RTTN: variants seen among roughly 807,000 people sequenced by gnomAD.
RTTN encodes rotatin.
RTTN carries 182 observed loss-of-function variants against 269.2 expected under a neutral mutation model. The ratio of observed to expected loss-of-function variants is 0.68; its 90% CI spans 0.60 to 0.76. The LOEUF is 0.76. RTTN is among the 30% of genes least tolerant of loss of function. The pLI, the probability that RTTN is intolerant of heterozygous loss-of-function variation, is 0.00. For synonymous variants in RTTN, 1,006 were observed against 963.5 expected (o/e 1.04, Z -0.82); for missense variants, 2,545 against 2,608.6 (o/e 0.98, Z 0.53).
intron 10 of RTTN, among the ~76,000 whole-genome samples, chr18:70,184,357 C>T: frequency 6.6e-6 from 1 of 152,082 alleles, no homozygotes; most frequent in East Asian, 2.0e-4. Context: ...AGTTCGAGAC[C>T]AGCCTGGCCA....
At chr18:70,121,733 G>A (rs769288972) in intron 25 of RTTN, 33 bp from the exon 26 acceptor site, 1 of 1,511,736 alleles carries the variant, frequency 6.6e-7, no homozygotes, top group East Asian at 2.5e-5. Context: ...ATGGTTTCTG[G>A]CGCTTTAAAA....
chr18:70,127,941 G>A, intron 24 of RTTN, 200 bp from the exon 25 acceptor site: 1 of 562,456 alleles, frequency 1.8e-6, no homozygotes, highest in Non-Finnish European at 3.1e-6. Context: ...TGTTTATATT[G>A]ACTTTTCCTC....
intron 40 of RTTN, among the ~76,000 whole-genome samples, chr18:70,035,323 C>A (rs1229035189): frequency 1.3e-5 from 2 of 152,168 alleles, no homozygotes; most frequent in African/African-American, 4.8e-5. Flanking sequence ...TACTACAGGG[C>A]TACAGTAACC....
At chr18:70,178,256 A>G (rs1317647410) in intron 10 of RTTN, among the ~76,000 whole-genome samples, 1 of 152,236 alleles carries the variant, frequency 6.6e-6, no homozygotes, top group Non-Finnish European at 1.5e-5. Context: ...GGTGTTGAGC[A>G]TTCAAAAGGA....
chr18:70,071,678 A>G (rs2058299659), intron 34 of RTTN, among the ~76,000 whole-genome samples: 1 of 152,172 alleles, frequency 6.6e-6, no homozygotes, highest in South Asian at 2.1e-4. Flanking sequence ...AGTTTATCAA[A>G]CATACAGGAC....
At chr18:70,124,425 G>A (rs2145585879) in intron 25 of RTTN, among the ~76,000 whole-genome samples, 1 of 152,186 alleles carries the variant, frequency 6.6e-6, no homozygotes, top group South Asian at 2.1e-4. Flanking sequence ...ATGCAGGAAA[G>A]CCACATGACA....
At chr18:70,021,147 G>C (rs949347488) in intron 44 of RTTN, 3 of 197,286 alleles carry the variant, frequency 1.5e-5, no homozygotes, top group African/African-American at 6.9e-5. Flanking sequence ...TTAGAAATGG[G>C]AGATAACTTG....
At chr18:70,092,302 A>G in intron 29 of RTTN, 82 bp from the exon 30 acceptor site, 1 of 876,552 alleles carries the variant, frequency 1.1e-6, no homozygotes, top group Non-Finnish European at 1.8e-6. Context: ...AAGAATTTTT[A>G]ATGAAAACAA....
intron 39 of RTTN, among the ~76,000 whole-genome samples, chr18:70,048,587 G>A (rs2057560328): frequency 6.6e-6 from 1 of 151,534 alleles, no homozygotes; most frequent in Non-Finnish European, 1.5e-5. Context: ...TTGAAAAATT[G>A]GATTTATAAT....
rs563784381 is a variant in RTTN, at chr18:70,181,514, T to C, written c.1306-4669A>G. On this transcript the variant is annotated intron_variant, in intron 10 of 48. Transcript: ENST00000640769. ...TTATTTACTTCGAGTAATATAAAAA[T>C]ATTCAATTAAGGGGGGAAATTGAAA... Among the ~76,000 whole-genome samples the C allele has an allele frequency of 2.0e-5, 3 of 152,274 alleles. No homozygotes were observed. The South Asian group carries it at 6.2e-4, about 32-fold the overall frequency.
At chr18:70,029,969 A>G (rs1356787405) in intron 42 of RTTN, 43 bp downstream of exon 42, 6 of 1,390,206 alleles carry the variant, frequency 4.3e-6, no homozygotes, top group African/African-American at 1.4e-5. Context: ...AGGACTGGAG[A>G]ATGGTCTCTA....
intron 10 of RTTN, among the ~76,000 whole-genome samples, chr18:70,178,873 C>A (rs1338055097): frequency 1.3e-5 from 2 of 151,794 alleles, no homozygotes; most frequent in Non-Finnish European, 2.9e-5. Context: ...AAAAATGAGT[C>A]TGTGATCTGA....
chr18:70,145,706 A>C lies in RTTN; in HGVS notation c.2387T>G (p.Ile796Arg). Reference protein sequence around the residue: ...EEGADTKRPLIDARVLSRVTD... With the variant: ...EEGADTKRPLRDARVLSRVTD... ...AACTCTGGAGAGAACTCTGGCGTCTATTAGAGGACGCTTTGTATCAGCCCC... is the reference window on the plus strand; with the variant it reads ...AACTCTGGAGAGAACTCTGGCGTCTCTTAGAGGACGCTTTGTATCAGCCCC... Residue 796 changes from isoleucine to arginine, a missense_variant, in exon 18 of 49, where the codon ATA becomes AGA. By Grantham distance (97) the Ile-to-Arg change is moderately conservative. Transcript: ENST00000640769. 6.2e-7 allele frequency: 1 copy of C among 1,613,482 alleles called. No homozygotes were observed. The highest frequency in any genetic ancestry group is 2.2e-5 in the East Asian group (1 of 44,862).
rs1257205051 is a variant in RTTN, at chr18:70,168,511, C to T, written c.1689+344G>A. Among the ~76,000 whole-genome samples, 6 of 151,978 alleles carry T rather than the reference C, an allele frequency of 3.9e-5. No individual in the cohort carries two copies. In the East Asian group the frequency reaches 1.2e-3, roughly 29 times the overall value. On this transcript the variant is annotated intron_variant, in intron 12 of 48. Transcript: ENST00000640769. ...TCTACAAGTAAGCACTAAAATAGCCCTTATAATTTTGGTTACATCAACTGT... is the reference window on the plus strand; with the variant it reads ...TCTACAAGTAAGCACTAAAATAGCCTTTATAATTTTGGTTACATCAACTGT...
rs571549297 is a variant in RTTN, at chr18:70,169,598, G to A, written c.1477-531C>T. ...TTTTTCTTTGGTTTTGTCTTTTAGA[G>A]GGGATAGTGGAAATCCAATATAATA... is the stretch of plus-strand genomic sequence containing the variant. On this transcript the variant is annotated intron_variant, in intron 11 of 48. Transcript: ENST00000640769. 9.2e-5 allele frequency among the ~76,000 whole-genome samples: 14 copies of A among 152,168 alleles called. No individual in the cohort carries two copies. The South Asian group carries it at 2.5e-3, about 27-fold the overall frequency.
chr18:70,016,302 G>GA (rs2056535455), intron 46 of RTTN, among the ~76,000 whole-genome samples: 2 of 152,032 alleles, frequency 1.3e-5, no homozygotes, highest in Admixed American at 6.5e-5. Context: ...TGAAAAACAT[G>GA]AAAAAAACAA....
rs1252363575 is a variant in RTTN at position 70,072,390 on chromosome 18, A to T, written c.4653+1516T>A. The stretch of plus-strand genomic sequence containing the variant: ...AAGTCTGTGTTACATTCAAACACAA[A>T]CAAGTTAAAGACCTTCACTTTAATT... On this transcript the variant is annotated intron_variant, in intron 34 of 48. Coordinates refer to ENST00000640769, the MANE Select transcript of RTTN (RefSeq NM_173630.4). Among the ~76,000 whole-genome samples, 3 of 152,222 alleles carry T rather than the reference A, an allele frequency of 2.0e-5. No individual in the cohort carries two copies. The East Asian group carries it at 5.8e-4, about 30-fold the overall frequency.
rs747868444 is a variant in RTTN at position 70,092,718 on chromosome 18, C to G, written c.3990G>C (p.Leu1330Phe). ...KGVTKSTILC[L>F]LHLSHEMMAQ... ...CCATCATCTCATGGGATAAGTGAAG[C>G]AAGCAAAGAATTGTGCTCTTTGTAA... The change falls in exon 29 of 49, where the codon TTG becomes TTC. Residue 1330 changes from leucine (L) to phenylalanine (F), a missense_variant. Leu to Phe is a conservative substitution (Grantham distance 22). Coordinates refer to ENST00000640769, the MANE Select transcript of RTTN (RefSeq NM_173630.4). The G allele has an allele frequency of 6.2e-7, 1 of 1,613,624 alleles. No individual in the cohort carries two copies. Among genetic ancestry groups the G allele is most frequent in the South Asian group, 1.1e-5 (1 of 90,996 alleles).
chr18:70,062,105 A>C (rs982491868), intron 35 of RTTN, among the ~76,000 whole-genome samples: 2 of 152,202 alleles, frequency 1.3e-5, no homozygotes, highest in Non-Finnish European at 2.9e-5. Context: ...TCATTTTGCC[A>C]ATAGTCTGAG....
Sources: gnomAD v4.1 joint callset for allele counts (sites outside exome capture counted in the v4.1 genomes callset) on GRCh38, gnomAD v4.1.1 for gene constraint, MANE v1.5 for transcripts, NCBI Gene and HGNC (gene_info 2026-07-23, HGNC 2026-07-21) for gene names.